Variants in RBFOX1 observed in about 807,000 individuals in gnomAD.
RBFOX1 encodes the protein RNA binding fox-1 homolog 1, also known as RNA binding protein fox-1 homolog 1.
Under a neutral mutation model 57.7 loss-of-function variants are expected in RBFOX1, and 8 were observed. That is an observed-to-expected ratio of 0.14 (90% CI 0.08 to 0.25). The LOEUF (loss-of-function observed/expected upper bound fraction) is 0.25, where lower values mean the gene tolerates loss of function less well. RBFOX1 is among the 10% of genes least tolerant of loss of function. The probability of loss-of-function intolerance (pLI) is 1.00; values close to 1 mark genes in which losing one functional copy is unlikely to be tolerated. For missense variants in RBFOX1, 611 were observed against 548.5 expected, an observed-to-expected ratio of 1.11 and a Z score of -1.14; for synonymous variants, 326 against 222.4, an observed-to-expected ratio of 1.47 and a Z score of -4.15.
At chr16:5,318,568 T>C (rs767982538) in intron 1 of RBFOX1, among the ~76,000 whole-genome samples, 1 of 146,754 alleles carries the variant, frequency 6.8e-6, no homozygotes, top group East Asian at 2.1e-4. Context: ...AGCAACCTAT[T>C]TGCATTGACT....
At chr16:5,714,752 A>G (rs937419011) in intron 3 of RBFOX1, among the ~76,000 whole-genome samples, 4 of 152,234 alleles carry the variant, frequency 2.6e-5, no homozygotes, top group African/African-American at 9.6e-5. Context: ...TGTGCATACC[A>G]CACTGAGTGA....
chr16:7,249,086 A>T (rs2153008815), intron 4 of RBFOX1, among the ~76,000 whole-genome samples: 1 of 152,188 alleles, frequency 6.6e-6, no homozygotes, highest in South Asian at 2.1e-4. Flanking sequence ...GACTGATAGG[A>T]GAGGGAGGGG....
Position 6,647,173 on chromosome 16 carries a change from C to CAGAG in RBFOX1, c.-63-7414_-63-7411dup, listed in dbSNP as rs140389660. Among the ~76,000 whole-genome samples the CAGAG allele has an allele frequency of 3.3e-5, 5 of 150,728 alleles. No homozygotes were observed. The East Asian group carries it at 7.8e-4, about 23-fold the overall frequency. ...TTGGACATTCCTGGGCTTACGCTACCAGAGAGAGAGAGAGAGAGAAAATGA... is the reference window on the plus strand; with the variant it reads ...TTGGACATTCCTGGGCTTACGCTACCAGAGAGAGAGAGAGAGAGAGAGAAAATGA... On this transcript the variant is annotated intron_variant, in intron 2 of 15. Transcript: ENST00000550418.
chr16:5,413,735 T>A (rs1395432655), intron 1 of RBFOX1, among the ~76,000 whole-genome samples: 1 of 152,196 alleles, frequency 6.6e-6, no homozygotes, highest in African/African-American at 2.4e-5. Context: ...ATAACCTTCG[T>A]TGTGGGACAG....
At chr16:6,880,954 C>G (rs1479095218) in intron 3 of RBFOX1, among the ~76,000 whole-genome samples, 1 of 152,138 alleles carries the variant, frequency 6.6e-6, no homozygotes, top group Admixed American at 6.5e-5. Flanking sequence ...GAGATTCAAT[C>G]TAATAACAGT....
chr16:5,473,838 G>A (rs1249250460), intron 2 of RBFOX1, among the ~76,000 whole-genome samples: 1 of 149,740 alleles, frequency 6.7e-6, no homozygotes, highest in Non-Finnish European at 1.5e-5. Context: ...GTAAGGGTGG[G>A]TGGATAGATG....
At position 7,590,863 on chromosome 16, in the gene RBFOX1, GAAAA is replaced by G. The variant is rs36061659; in HGVS notation, c.468+3581_468+3584del. Reference sequence around the variant, plus strand: ...AAGAAGAGGGAAGTTCTGTCTCTAAGAAAAAAAAAAAAAAAAAAAAAGCTACACT... The same window carrying G: ...AAGAAGAGGGAAGTTCTGTCTCTAAGAAAAAAAAAAAAAAAAAGCTACACT... On this transcript the variant is annotated intron_variant, in intron 7 of 15. Transcript: ENST00000550418. Among the ~76,000 whole-genome samples the G allele has an allele frequency of 1.8e-3, 189 of 102,904 alleles. 1 individual carries two copies. The highest frequency in any genetic ancestry group is 6.1e-3 in the African/African-American group (170 of 27,836). The allele number at this position is 102,904 out of a possible 152,430, so 67.5% of individuals were successfully genotyped here.
chr16:7,172,530 A>G (rs1035463785), intron 4 of RBFOX1, among the ~76,000 whole-genome samples: 2 of 152,060 alleles, frequency 1.3e-5, no homozygotes, highest in African/African-American at 4.8e-5. Flanking sequence ...AATTAGCACT[A>G]CCTCCTGAGA....
chr16:7,030,828 G>A (rs550937859), intron 3 of RBFOX1, among the ~76,000 whole-genome samples: 9 of 152,282 alleles, frequency 5.9e-5, no homozygotes, highest in Non-Finnish European at 1.0e-4. Context: ...GACTTCATCC[G>A]TGTCTGACTC....
rs1026271953 is a variant in RBFOX1, at chr16:7,519,708, G to T, written c.270+1319G>T. 19 of 985,298 alleles carry T rather than the reference G, an allele frequency of 1.9e-5. No homozygotes were observed. The Admixed American group carries it at 2.5e-4, about 13-fold the overall frequency. The allele number at this position is 985,298 out of a possible 1,614,324, so 61.0% of individuals were successfully genotyped here. On this transcript the variant is annotated intron_variant, in intron 5 of 15. Coordinates refer to ENST00000550418, the MANE Select transcript of RBFOX1 (RefSeq NM_018723.4). ...AATCCTGTCGTCTGGAACATTTTTT[G>T]AGTGTAAGGCAATTCTGCCTCTTCG...
intron 3 of RBFOX1, among the ~76,000 whole-genome samples, chr16:7,036,271 G>T (rs4786960): frequency 6.6e-6 from 1 of 151,282 alleles, no homozygotes; most frequent in African/African-American, 2.4e-5. Flanking sequence ...TCTCTACAAT[G>T]TGTAGATGTG....
At chr16:7,244,479 C>G (rs545300716) in intron 4 of RBFOX1, among the ~76,000 whole-genome samples, 3 of 152,236 alleles carry the variant, frequency 2.0e-5, no homozygotes, top group East Asian at 3.9e-4. Context: ...TTTGCAAAAT[C>G]ATATTCAGTT....
At chr16:7,659,918 A>C (rs2067267782) in intron 12 of RBFOX1, among the ~76,000 whole-genome samples, 1 of 152,246 alleles carries the variant, frequency 6.6e-6, no homozygotes, top group East Asian at 1.9e-4. Flanking sequence ...AAATACGTAC[A>C]AACAGCACAC....
intron 3 of RBFOX1, among the ~76,000 whole-genome samples, chr16:6,949,841 G>C (rs942213606): frequency 3.3e-5 from 5 of 151,894 alleles, no homozygotes; most frequent in African/African-American, 1.2e-4. Flanking sequence ...CTCTTCACCC[G>C]GACAGAATGC....
chr16:5,574,357 A>G (rs920227367), intron 2 of RBFOX1, among the ~76,000 whole-genome samples: 2 of 152,126 alleles, frequency 1.3e-5, no homozygotes, highest in East Asian at 1.9e-4. Context: ...ATTCTCATCC[A>G]AGCCCGCCTT....
rs111515255 is a variant in RBFOX1 at position 6,850,326 on chromosome 16, G to C, written c.-16+195676G>C. 2.0e-5 allele frequency among the ~76,000 whole-genome samples: 3 copies of C among 152,234 alleles called. No individual in the cohort carries two copies. The East Asian group carries it at 5.8e-4, about 29-fold the overall frequency. On this transcript the variant is annotated intron_variant, in intron 3 of 15. Coordinates refer to ENST00000550418, the MANE Select transcript of RBFOX1 (RefSeq NM_018723.4). ...CAGGTACGATGAAAGAATAAACTAC[G>C]TTGTTCTACAAAATAAAATTAAGGT...
intron 14 of RBFOX1, among the ~76,000 whole-genome samples, chr16:7,700,120 C>A (rs1036489877): frequency 6.6e-6 from 1 of 152,044 alleles, no homozygotes; most frequent in Non-Finnish European, 1.5e-5. Context: ...ATGGGAGATG[C>A]CAGTACATAA....
chr16:5,966,991 CG>C (rs373142050), intron 4 of RBFOX1, among the ~76,000 whole-genome samples: 3,058 of 30,600 alleles, frequency 0.1, 121 homozygotes, highest in African/African-American at 0.16. Context: ...TGCACTAAAT[CG>C]GGGGGGGGGG....
chr16:5,747,062 A>G (rs1208294520), intron 3 of RBFOX1, among the ~76,000 whole-genome samples: 2 of 152,196 alleles, frequency 1.3e-5, no homozygotes, highest in African/African-American at 2.4e-5. Flanking sequence ...CATCCCATTA[A>G]TACCTAATTT....
Sources: allele counts gnomAD v4.1 joint callset (sites outside exome capture counted in the v4.1 genomes callset), GRCh38; gene constraint gnomAD v4.1.1; transcripts MANE v1.5; gene names NCBI Gene and HGNC (gene_info 2026-07-23, HGNC 2026-07-21).